The following TKTL1 variants were observed in gnomAD, a reference collection of about 807,000 sequenced individuals.
TKTL1 encodes the protein transketolase-like protein 1.
A neutral mutation model predicts 39.3 loss-of-function variants in TKTL1; 1 was observed. That is an observed-to-expected ratio of 0.03 (90% CI 0.01 to 0.12). TKTL1 has a LOEUF of 0.12. Among genes scored for constraint, TKTL1 ranks in the 10% least tolerant of loss-of-function variants. TKTL1 has a pLI of 1.00. For synonymous variants in TKTL1, 262 were observed against 193.8 expected (o/e 1.35, Z -2.92); for missense variants, 575 against 509.6 (o/e 1.13, Z -1.24).
At chrX:154,322,808 C>T (rs1557171153) in intron 8 of TKTL1, among the ~76,000 whole-genome samples, 1 of 111,757 alleles carries the variant, frequency 8.9e-6, no homozygotes, top group Non-Finnish European at 1.9e-5. Flanking sequence ...GTATGCAAAA[C>T]CCGGTCTCTG....
At chrX:154,322,217 G>C (rs1437529235) in intron 8 of TKTL1, among the ~76,000 whole-genome samples, 3 of 82,440 alleles carry the variant, frequency 3.6e-5, no homozygotes, top group Non-Finnish European at 6.8e-5. Context: ...TGGCGACAGA[G>C]AGAGGCTTTG....
intron 1 of TKTL1, among the ~76,000 whole-genome samples, chrX:154,296,230 C>A (rs374866772): frequency 1.8e-5 from 2 of 111,206 alleles, no homozygotes; most frequent in African/African-American, 3.3e-5. Flanking sequence ...TTCTGGAGCC[C>A]GCCCCTCAAT....
intron 1 of TKTL1, among the ~76,000 whole-genome samples, chrX:154,303,379 ATTTTTTTTTTTT>A (rs1172255094): frequency 6.8e-4 from 23 of 33,664 alleles, no homozygotes; most frequent in Admixed American, 2.6e-3. Flanking sequence ...TGCCCAGCTA[ATTTTTTTTTTTT>A]TTTTTTTTTT....
chrX:154,306,874 C>T lies in TKTL1; in HGVS notation c.252+1453C>T, dbSNP rs782652089. On this transcript the variant is annotated intron_variant, in intron 2 of 12. Coordinates refer to ENST00000369915, the MANE Select transcript of TKTL1 (RefSeq NM_012253.4). ...CTGGCCTCAAACTCCTGGGCCCAAG[C>T]GCCCACCTCTGCCTCCCAAAGTGCT... Among the ~76,000 whole-genome samples, 47 of 110,750 alleles carry T rather than the reference C, an allele frequency of 4.2e-4. No individual in the cohort carries two copies. In the South Asian group the frequency reaches 0.013, roughly 30 times the overall value.
intron 2 of TKTL1, among the ~76,000 whole-genome samples, chrX:154,306,112 GC>G (rs2067312872): frequency 9.2e-6 from 1 of 108,141 alleles, no homozygotes; most frequent in East Asian, 2.9e-4. Flanking sequence ...TCCGAGACCA[GC>G]CTGGTCAACA....
chrX:154,320,637 A>T (rs370533837), intron 7 of TKTL1, 120 bp from the exon 8 acceptor site: 2 of 735,158 alleles, frequency 2.7e-6, no homozygotes, highest in African/African-American at 4.2e-5. Flanking sequence ...GGAAGGACGC[A>T]TGCTAGAACT....
At chrX:154,321,698 G>A (rs781886345) in intron 8 of TKTL1, among the ~76,000 whole-genome samples, 2 of 107,357 alleles carry the variant, frequency 1.9e-5, no homozygotes, top group African/African-American at 6.8e-5. Flanking sequence ...GCCTGTGGCA[G>A]GCAGATGGGC....
intron 1 of TKTL1, among the ~76,000 whole-genome samples, chrX:154,304,189 G>C (rs1317832564): frequency 1.8e-5 from 2 of 111,003 alleles, no homozygotes; most frequent in African/African-American, 6.6e-5. Context: ...GGCCTCTTGA[G>C]TTTTCTCTCA....
In TKTL1 at chrX:154,323,351, G is replaced by A. The variant is rs1270340000; in HGVS notation, c.1317+14G>A. On this transcript the variant is annotated intron_variant, in intron 9 of 12. Transcript: ENST00000369915. ...GCCAATGCCAAGGTATTTTTAAGGG[G>A]ACACTAGTTTCAGACAGAAAATGCT... 1 of 1,209,857 alleles carries A rather than the reference G, an allele frequency of 8.3e-7. No homozygotes were observed.
At chrX:154,301,813 G>A (rs189976752) in intron 1 of TKTL1, among the ~76,000 whole-genome samples, 1,964 of 102,527 alleles carry the variant, frequency 0.019, 33 homozygotes, top group African/African-American at 0.068. Flanking sequence ...GGCTGGTTTC[G>A]AACTCCCGAC....
chrX:154,329,009 T>A (rs1361218040), intron 12 of TKTL1, among the ~76,000 whole-genome samples: 2 of 112,309 alleles, frequency 1.8e-5, no homozygotes, highest in African/African-American at 6.5e-5. Flanking sequence ...ACCTCAAGTG[T>A]GTACTGGGGG....
At chrX:154,328,715 C>T (rs1487128200) in intron 12 of TKTL1, among the ~76,000 whole-genome samples, 1 of 110,407 alleles carries the variant, frequency 9.1e-6, no homozygotes, top group Non-Finnish European at 1.9e-5. Context: ...TGATGTGATA[C>T]AAGGAGCATT....
chrX:154,306,965 T>C (rs1178472481), intron 2 of TKTL1, among the ~76,000 whole-genome samples: 1 of 110,738 alleles, frequency 9.0e-6, no homozygotes, highest in African/African-American at 3.3e-5. Flanking sequence ...AAAAAATAGA[T>C]ATATAAACGC....
intron 10 of TKTL1, among the ~76,000 whole-genome samples, chrX:154,325,737 G>A (rs782076612): frequency 1.8e-3 from 205 of 112,432 alleles, no homozygotes; most frequent in Non-Finnish European, 3.2e-3. Flanking sequence ...AGAAGCCAGC[G>A]CTTTGGGAGG....
At chrX:154,326,731 C>G (rs1189447175) in intron 10 of TKTL1, among the ~76,000 whole-genome samples, 2 of 112,703 alleles carry the variant, frequency 1.8e-5, no homozygotes, top group African/African-American at 6.5e-5. Context: ...TCTGTCGTCT[C>G]TTTTCTAATA....
In TKTL1 at chrX:154,305,185, G is replaced by C. The variant is rs904078802; in HGVS notation, c.135-119G>C. ...TGTGAGCCCTGCATTCCTTACCCTTGGTTGGATTCTTCCCGGGCTGGGAGA... is the reference window on the plus strand; with the variant it reads ...TGTGAGCCCTGCATTCCTTACCCTTCGTTGGATTCTTCCCGGGCTGGGAGA... On this transcript the variant is annotated intron_variant, in intron 1 of 12. Transcript: ENST00000369915. 18 of 1,175,761 alleles carry C rather than the reference G, an allele frequency of 1.5e-5. No individual in the cohort carries two copies. In the East Asian group the frequency reaches 5.5e-4, roughly 36 times the overall value.
chrX:154,305,420 A>G lies in TKTL1; in HGVS notation c.251A>G (p.Lys84Arg), dbSNP rs1345934531. 1.7e-6 allele frequency: 2 copies of G among 1,205,319 alleles called. No homozygotes were observed. Among genetic ancestry groups the G allele is most frequent in the African/African-American group, 1.7e-5 (1 of 57,180 alleles). ...NPDNDRFVLA[K>R]RLSFVDVATG... ...GACAACGACCGATTTGTCCTCGCAA[A>G]GGTATGCCGGTGGGGAGCCCAGGGC... is the stretch of plus-strand genomic sequence containing the variant. The change falls in exon 2 of 13, where the codon AAG becomes AGG. Residue 84 changes from lysine (K) to arginine (R), a missense_variant and splice_region_variant. Transcript: ENST00000369915.
chrX:154,299,730 A>G (rs782525481), intron 1 of TKTL1, among the ~76,000 whole-genome samples: 2 of 111,818 alleles, frequency 1.8e-5, no homozygotes, highest in Admixed American at 9.6e-5. Context: ...TACTTCGCTT[A>G]AAATAATGAC....
intron 1 of TKTL1, among the ~76,000 whole-genome samples, chrX:154,303,177 T>TTTTA (rs201017132): frequency 0.037 from 3,295 of 88,787 alleles, 86 homozygotes; most frequent in Non-Finnish European, 0.045. Flanking sequence ...TTTTTAAAAT[T>TTTTA]TTTATTTATT....
Sources: allele counts gnomAD v4.1 joint callset (sites outside exome capture counted in the v4.1 genomes callset), GRCh38; gene constraint gnomAD v4.1.1; transcripts MANE v1.5; gene names NCBI Gene and HGNC (gene_info 2026-07-23, HGNC 2026-07-21).